Variants in CSMD1 observed in about 807,000 individuals in gnomAD.
CSMD1 encodes the protein CUB and Sushi multiple domains 1.
A neutral mutation model predicts 417.5 loss-of-function variants in CSMD1; 213 were observed. The ratio of observed to expected loss-of-function variants is 0.51; its 90% CI spans 0.46 to 0.57. The LOEUF (loss-of-function observed/expected upper bound fraction) is 0.57. Ranked by LOEUF, CSMD1 falls within the 20% of genes least tolerant of loss-of-function variation. The probability of loss-of-function intolerance (pLI) is 0.00; values close to 1 mark genes in which losing one functional copy is unlikely to be tolerated. For synonymous variants in CSMD1, 2,862 were observed against 1,736.8 expected (o/e 1.65, Z -16.11); for missense variants, 6,923 against 4,529.7 (o/e 1.53, Z -15.17).
At chr8:3,490,569 C>A (rs965628256) in intron 11 of CSMD1, among the ~76,000 whole-genome samples, 2 of 152,094 alleles carry the variant, frequency 1.3e-5, no homozygotes, top group African/African-American at 2.4e-5. Context: ...TGTTTGCATG[C>A]ATTATTTCAT....
intron 2 of CSMD1, among the ~76,000 whole-genome samples, chr8:4,547,455 A>G (rs886807499): frequency 6.6e-6 from 1 of 152,222 alleles, no homozygotes; most frequent in Non-Finnish European, 1.5e-5. Flanking sequence ...AAAGAAAAAA[A>G]GAAACTTTCA....
intron 20 of CSMD1, among the ~76,000 whole-genome samples, chr8:3,361,604 A>ATT (rs1286075671): frequency 7.6e-6 from 1 of 132,448 alleles, no homozygotes; most frequent in Admixed American, 8.8e-5. Flanking sequence ...GTGAGCTGAG[A>ATT]TTGCACCACT....
chr8:4,697,538 T>C (rs1180657606), intron 1 of CSMD1, among the ~76,000 whole-genome samples: 1 of 152,160 alleles, frequency 6.6e-6, no homozygotes, highest in Non-Finnish European at 1.5e-5. Flanking sequence ...TTTACTCAAT[T>C]GGGGAATGTC....
At chr8:4,098,841 A>G (rs1585310133) in intron 3 of CSMD1, among the ~76,000 whole-genome samples, 1 of 152,216 alleles carries the variant, frequency 6.6e-6, no homozygotes, top group Non-Finnish European at 1.5e-5. Context: ...AGGCTATGCC[A>G]TAAATCTTGC....
intron 3 of CSMD1, among the ~76,000 whole-genome samples, chr8:4,196,166 G>T (rs992302274): frequency 6.6e-6 from 1 of 152,104 alleles, no homozygotes; most frequent in Non-Finnish European, 1.5e-5. Flanking sequence ...AGCCGAGATC[G>T]CGCCACTGCA....
intron 2 of CSMD1, among the ~76,000 whole-genome samples, chr8:4,441,364 G>C (rs572133992): frequency 6.8e-5 from 10 of 146,594 alleles, no homozygotes; most frequent in Admixed American, 2.8e-4. Flanking sequence ...CCTCCTGTCT[G>C]AGCCTCCTAA....
At chr8:3,612,868 C>A (rs1012006946) in intron 8 of CSMD1, among the ~76,000 whole-genome samples, 1 of 151,308 alleles carries the variant, frequency 6.6e-6, no homozygotes, top group Admixed American at 6.6e-5. Flanking sequence ...CTTTAAGAGA[C>A]TAGAAAAAGA....
intron 3 of CSMD1, among the ~76,000 whole-genome samples, chr8:4,096,804 T>G (rs980669390): frequency 2.0e-5 from 3 of 152,230 alleles, no homozygotes; most frequent in Non-Finnish European, 4.4e-5. Flanking sequence ...CGACGCTGTC[T>G]TCTGACCCAT....
chr8:3,164,505 A>T (rs1332620413), intron 37 of CSMD1, among the ~76,000 whole-genome samples: 3 of 152,214 alleles, frequency 2.0e-5, no homozygotes, highest in African/African-American at 7.2e-5. Context: ...CTTTTGTTTT[A>T]ACTTTAGAAC....
chr8:3,099,900 T>C (rs899830661), intron 46 of CSMD1, among the ~76,000 whole-genome samples: 1 of 152,246 alleles, frequency 6.6e-6, no homozygotes, highest in African/African-American at 2.4e-5. Context: ...AGATAATTTG[T>C]AGAGAATTTG....
At chr8:4,745,027 A>C (rs1389118477) in intron 1 of CSMD1, among the ~76,000 whole-genome samples, 1 of 152,182 alleles carries the variant, frequency 6.6e-6, no homozygotes, top group African/African-American at 2.4e-5. Context: ...CTTGTGTTAA[A>C]TTGAACTAAT....
At chr8:3,433,498 G>A (rs574889638) in intron 12 of CSMD1, among the ~76,000 whole-genome samples, 2 of 152,018 alleles carry the variant, frequency 1.3e-5, no homozygotes, top group African/African-American at 2.4e-5. Context: ...TTGCTTCTTG[G>A]TTCATTTTTC....
chr8:4,487,882 G>A (rs750445052), intron 2 of CSMD1, among the ~76,000 whole-genome samples: 16 of 152,116 alleles, frequency 1.1e-4, no homozygotes, highest in Non-Finnish European at 2.2e-4. Context: ...CTTAAGATTG[G>A]GAGGGATTAA....
At chr8:3,646,866 G>A (rs1047742894) in intron 7 of CSMD1, among the ~76,000 whole-genome samples, 1 of 152,070 alleles carries the variant, frequency 6.6e-6, no homozygotes, top group Admixed American at 6.6e-5. Flanking sequence ...CTGAATTTGG[G>A]TCACACGAGC....
At chr8:4,707,886 CAAAAAAAAAAAAAAAAAAAAAAAAA>C (rs552510236) in intron 1 of CSMD1, among the ~76,000 whole-genome samples, 29 of 100,846 alleles carry the variant, frequency 2.9e-4, no homozygotes, top group Middle Eastern at 6.4e-3. Context: ...GACTTTGTTT[CAAAAAAAAAAAAAAAAAAAAAAAAA>C]AAAAAAAAAA....
chr8:4,973,784 G>C (rs963871088), intron 1 of CSMD1, among the ~76,000 whole-genome samples: 1 of 152,122 alleles, frequency 6.6e-6, no homozygotes, highest in African/African-American at 2.4e-5. Flanking sequence ...GGGAAACTTA[G>C]AATTTTATGT....
chr8:3,531,834 G>A (rs932911883), intron 10 of CSMD1, among the ~76,000 whole-genome samples: 5 of 152,180 alleles, frequency 3.3e-5, no homozygotes, highest in African/African-American at 4.8e-5. Flanking sequence ...GTTGCACAGA[G>A]AGAAACGGCT....
intron 1 of CSMD1, among the ~76,000 whole-genome samples, chr8:4,873,807 G>T (rs1194154241): frequency 2.0e-5 from 3 of 152,022 alleles, no homozygotes; most frequent in African/African-American, 7.3e-5. Flanking sequence ...CAACATAAAG[G>T]CCATTTCTTA....
At chr8:3,751,322 GTGTGTATA>G (rs1325839221) in intron 6 of CSMD1, among the ~76,000 whole-genome samples, 2 of 145,928 alleles carry the variant, frequency 1.4e-5, no homozygotes, top group Non-Finnish European at 1.5e-5. Flanking sequence ...GTGTGTGTGT[GTGTGTATA>G]TATATATATA....
Sources: gnomAD v4.1 joint callset for allele counts (sites outside exome capture counted in the v4.1 genomes callset) on GRCh38, gnomAD v4.1.1 for gene constraint, MANE v1.5 for transcripts, NCBI Gene and HGNC (gene_info 2026-07-23, HGNC 2026-07-21) for gene names.